The following TMPRSS9 variants were observed in gnomAD, a reference collection of about 807,000 sequenced individuals.
TMPRSS9 encodes transmembrane protease serine 9.
TMPRSS9 carries 113 observed loss-of-function variants against 111.4 expected under a neutral mutation model. The ratio of observed to expected loss-of-function variants is 1.01; its 90% CI spans 0.87 to 1.19. TMPRSS9 has a LOEUF of 1.19. TMPRSS9 is among the 50% of genes most tolerant of loss of function. TMPRSS9 has a pLI of 0.00. For missense variants in TMPRSS9, 1,803 were observed against 1,513.1 expected (o/e 1.19, Z -3.18); for synonymous variants, 805 against 659.1 (o/e 1.22, Z -3.39).
At chr19:2,411,877 G>A (rs1442679198) in intron 9 of TMPRSS9, among the ~76,000 whole-genome samples, 1 of 152,102 alleles carries the variant, frequency 6.6e-6, no homozygotes, top group Admixed American at 6.6e-5. Context: ...TGTTTTCAAG[G>A]TGTCTCATTC....
chr19:2,402,750 TAAATA>T (rs1001052820), intron 5 of TMPRSS9, among the ~76,000 whole-genome samples: 27 of 151,436 alleles, frequency 1.8e-4, no homozygotes, highest in Admixed American at 7.9e-4. Flanking sequence ...AAAAAATAAA[TAAATA>T]AAATAAAATA....
Position 2,425,342 on chromosome 19 carries a change from C to T in TMPRSS9, c.2984-15C>T. 1 of 1,463,068 alleles carries T rather than the reference C, an allele frequency of 6.8e-7. No individual in the cohort carries two copies. Among genetic ancestry groups the T allele is most frequent in the Non-Finnish European group, 9.0e-7 (1 of 1,111,362 alleles). 90.6% of individuals were successfully genotyped at this position (1,463,068 alleles called of 1,614,324 possible). A position where few individuals can be genotyped will look rare whatever the true frequency, so the allele number is the denominator to read the frequency against. On this transcript the variant is annotated splice_polypyrimidine_tract_variant and intron_variant, in intron 16 of 17. Transcript: ENST00000648592. ...CGCGGTCCCCACCCGCCCCGTCTCGCTCGCCCGCCCGCAGGCTCCATGGCG... is the reference window on the plus strand; with the variant it reads ...CGCGGTCCCCACCCGCCCCGTCTCGTTCGCCCGCCCGCAGGCTCCATGGCG...
intron 10 of TMPRSS9, 119 bp from the exon 12 acceptor site, chr19:2,415,551 G>C (rs1010714905): frequency 2.6e-5 from 25 of 961,004 alleles, no homozygotes; most frequent in Middle Eastern, 3.4e-4. Flanking sequence ...TGTGTGGAAC[G>C]GGAGGGATTG....
At chr19:2,381,363 C>CGT (rs138327253) in intron 1 of TMPRSS9, among the ~76,000 whole-genome samples, 2,183 of 148,766 alleles carry the variant, frequency 0.015, 52 homozygotes, top group African/African-American at 0.05. Context: ...TGTGTGTGTG[C>CGT]GTGTGTGTGT....
intron 12 of TMPRSS9, 43 bp downstream of exon 13, chr19:2,416,852 A>AGGGCC: frequency 6.4e-7 from 1 of 1,564,820 alleles, no homozygotes; most frequent in Non-Finnish European, 8.6e-7. Context: ...TTTATTCTCC[A>AGGGCC]GGGCCTGGCC....
intron 9 of TMPRSS9, among the ~76,000 whole-genome samples, chr19:2,411,299 CAAA>C (rs771305642): frequency 5.3e-4 from 17 of 32,306 alleles, no homozygotes; most frequent in African/African-American, 2.9e-4. Context: ...GACTCTGTCT[CAAA>C]AAAAAAAAAA....
At chr19:2,416,561 C>A in exon 12 of TMPRSS9, 3 of 1,609,906 alleles carry the variant, frequency 1.9e-6, no homozygotes, top group Non-Finnish European at 1.7e-6. Context: ...CAGGTTCGGG[C>A]CCACCTGGGC....
Position 2,416,137 on chromosome 19 carries a change from C to T in TMPRSS9, c.1745+296C>T, listed in dbSNP as rs147930940. 717 of 426,388 alleles carry T rather than the reference C, an allele frequency of 1.7e-3. 1 individual carries two copies. The highest frequency in any genetic ancestry group is 2.0e-3 in the Non-Finnish European group (469 of 239,230). The allele number at this position is 426,388 out of a possible 1,614,324, so 26.4% of individuals were successfully genotyped here. ...ATCTGTGGTCCCAGCTACTCAGGAG[C>T]GTGAGGCAGGAGAATTGCTTGAGCC... On this transcript the variant is annotated intron_variant, in intron 11 of 17. Coordinates refer to ENST00000648592, the Ensembl canonical transcript of TMPRSS9.
intron 1 of TMPRSS9, among the ~76,000 whole-genome samples, chr19:2,380,488 C>T (rs746408832): frequency 6.7e-6 from 1 of 150,318 alleles, no homozygotes; most frequent in Non-Finnish European, 1.5e-5. Flanking sequence ...GTAATCCCAG[C>T]TACTGGGGAA....
At chr19:2,422,787 C>G (rs1335671273) in intron 14 of TMPRSS9, among the ~76,000 whole-genome samples, 2 of 152,122 alleles carry the variant, frequency 1.3e-5, no homozygotes, top group East Asian at 1.9e-4. Context: ...ACTTGGGAGG[C>G]TGAGGCAGGA....
rs561730789 is a variant in TMPRSS9 at position 2,416,110 on chromosome 19, G to A, written c.1745+269G>A. The A allele has an allele frequency of 1.3e-4, 58 of 439,824 alleles. 1 individual carries two copies. Among genetic ancestry groups the A allele is most frequent in the Admixed American group, 8.4e-4 (21 of 25,142 alleles). The allele number at this position is 439,824 out of a possible 1,614,324, so 27.2% of individuals were successfully genotyped here. On this transcript the variant is annotated intron_variant, in intron 11 of 17. Coordinates refer to ENST00000648592, the Ensembl canonical transcript of TMPRSS9. ...TGGAGATTCCCAGGCATGGTGGCCC[G>A]CATCTGTGGTCCCAGCTACTCAGGA... is the stretch of plus-strand genomic sequence containing the variant.
At chr19:2,377,937 C>G (rs1474561806) in intron 1 of TMPRSS9, among the ~76,000 whole-genome samples, 1 of 151,232 alleles carries the variant, frequency 6.6e-6, no homozygotes, top group Non-Finnish European at 1.5e-5. Context: ...CTGGCACAGT[C>G]ATAGCTCACT....
chr19:2,401,380 A>G (rs1185811032), intron 4 of TMPRSS9, among the ~76,000 whole-genome samples: 2 of 152,084 alleles, frequency 1.3e-5, no homozygotes, highest in African/African-American at 2.4e-5. Flanking sequence ...TCCAGCGTTC[A>G]CAGAACTTCC....
chr19:2,383,479 C>A (rs1336566466), intron 1 of TMPRSS9, among the ~76,000 whole-genome samples: 2 of 150,878 alleles, frequency 1.3e-5, no homozygotes, highest in Non-Finnish European at 2.9e-5. Flanking sequence ...TAGCAAGACC[C>A]CGTCTCTAAA....
chr19:2,412,625 G>A (rs1385580968), intron 9 of TMPRSS9, among the ~76,000 whole-genome samples: 2 of 152,074 alleles, frequency 1.3e-5, no homozygotes, highest in Admixed American at 6.6e-5. Flanking sequence ...TTTCTCTTGT[G>A]TCTTGAGCTT....
At chr19:2,405,608 C>T in intron 7 of TMPRSS9, 63 bp downstream of exon 8, 2 of 1,429,092 alleles carry the variant, frequency 1.4e-6, no homozygotes, top group Non-Finnish European at 1.8e-6. Flanking sequence ...TTCCCTCGTG[C>T]ACTGGGGACG....
At chr19:2,396,396 C>T (rs1055948589) in intron 1 of TMPRSS9, 143 bp from the exon 3 acceptor site, 31 of 960,396 alleles carry the variant, frequency 3.2e-5, no homozygotes, top group African/African-American at 8.4e-5. Flanking sequence ...AGGGCTATCA[C>T]GGGGGCGTCG....
intron 1 of TMPRSS9, among the ~76,000 whole-genome samples, chr19:2,374,415 A>ATACTGTCTGTACTAAAAC: frequency 6.6e-6 from 1 of 151,626 alleles, no homozygotes; most frequent in South Asian, 2.1e-4. Flanking sequence ...TCTACTAAAA[A>ATACTGTCTGTACTAAAAC]ATACAAAAAT....
intron 9 of TMPRSS9, 47 bp downstream of exon 10, chr19:2,410,441 C>T (rs371040341): frequency 1.2e-5 from 20 of 1,605,080 alleles, no homozygotes; most frequent in African/African-American, 4.0e-5. Context: ...GAAATAGACA[C>T]GAGCATGTTC....
Sources: gnomAD v4.1 joint callset for allele counts (sites outside exome capture counted in the v4.1 genomes callset) on GRCh38, gnomAD v4.1.1 for gene constraint, MANE v1.5 for transcripts, NCBI Gene and HGNC (gene_info 2026-07-23, HGNC 2026-07-21) for gene names.